Variants in STXBP4 observed in about 807,000 individuals in gnomAD.
STXBP4 encodes the protein syntaxin-binding protein 4.
A neutral mutation model predicts 76.1 loss-of-function variants in STXBP4; 55 were observed. The observed-to-expected ratio is 0.72, with a 90% confidence interval of 0.58 to 0.91. The LOEUF (loss-of-function observed/expected upper bound fraction) is 0.91, where lower values mean the gene tolerates loss of function less well. Ranked by LOEUF, STXBP4 falls within the 40% of genes least tolerant of loss-of-function variation. The probability of loss-of-function intolerance (pLI) is 0.00; values close to 1 mark genes in which losing one functional copy is unlikely to be tolerated. For synonymous variants in STXBP4, 201 were observed against 220.2 expected, an observed-to-expected ratio of 0.91 and a Z score of 0.77; for missense variants, 618 against 636.9, an observed-to-expected ratio of 0.97 and a Z score of 0.32.
intron 12 of STXBP4, among the ~76,000 whole-genome samples, chr17:55,053,834 A>G (rs1209191383): frequency 6.6e-6 from 1 of 152,046 alleles, no homozygotes; most frequent in Middle Eastern, 3.2e-3. Context: ...TAGTTTTTAT[A>G]TGTAGGATAA....
rs530714757 is a variant in STXBP4, at chr17:55,078,068, C to T, written c.1189-10C>T. ...AATGTGTAAATGCTCCTTTTGATAT[C>T]TCTGTGCAGGAAAGTGTTCAGGATT... On this transcript the variant is annotated splice_polypyrimidine_tract_variant and intron_variant, in intron 13 of 17. Coordinates refer to ENST00000376352, the MANE Select transcript of STXBP4 (RefSeq NM_178509.6). 5 of 1,554,460 alleles carry T rather than the reference C, an allele frequency of 3.2e-6. No homozygotes were observed. The Admixed American group carries it at 7.3e-5, about 23-fold the overall frequency.
downstream of STXBP4, among the ~76,000 whole-genome samples, chr17:55,174,192 T>C (rs1239462837): frequency 2.0e-5 from 3 of 152,224 alleles, no homozygotes; most frequent in African/African-American, 7.2e-5. Context: ...CTTCATGTGA[T>C]CTGGAAATTA....
At chr17:55,140,476 G>A (rs926920028) in intron 16 of STXBP4, among the ~76,000 whole-genome samples, 2 of 152,026 alleles carry the variant, frequency 1.3e-5, no homozygotes, top group African/African-American at 4.8e-5. Flanking sequence ...TCCAAAAATT[G>A]GATTAAAATC....
At chr17:54,973,937 G>A (rs1190995142) in intron 1 of STXBP4, among the ~76,000 whole-genome samples, 1 of 152,142 alleles carries the variant, frequency 6.6e-6, no homozygotes, top group Non-Finnish European at 1.5e-5. Flanking sequence ...ATTAGGTAAA[G>A]TAAGTTATAT....
intron 16 of STXBP4, among the ~76,000 whole-genome samples, chr17:55,110,643 G>A (rs147634234): frequency 3.6e-4 from 55 of 152,272 alleles, no homozygotes; most frequent in Non-Finnish European, 4.1e-4. Flanking sequence ...CCTTGTAGCC[G>A]TATTTTCTCT....
At chr17:55,184,797 G>A in the STXBP4 span, among the ~76,000 whole-genome samples, 3 of 152,166 alleles carry the variant, frequency 2.0e-5, no homozygotes, top group Non-Finnish European at 2.9e-5. Context: ...AAAATTGAAG[G>A]GGGTCTGTGG....
At chr17:54,991,175 G>A (rs1432024032) in intron 4 of STXBP4, 4 of 304,384 alleles carry the variant, frequency 1.3e-5, no homozygotes, top group Non-Finnish European at 2.3e-5. Flanking sequence ...ATTTCTGACT[G>A]TAAGATAAGG....
At chr17:55,027,735 C>T (rs1437439303) in intron 8 of STXBP4, among the ~76,000 whole-genome samples, 1 of 152,060 alleles carries the variant, frequency 6.6e-6, no homozygotes, top group East Asian at 1.9e-4. Context: ...TGTGATAAAA[C>T]CATTTTAAAA....
chr17:54,978,949 A>G (rs1265369939), intron 1 of STXBP4, among the ~76,000 whole-genome samples: 3 of 152,156 alleles, frequency 2.0e-5, no homozygotes, highest in African/African-American at 7.2e-5. Flanking sequence ...TTACATGATT[A>G]TACTGTAAAT....
intron 16 of STXBP4, among the ~76,000 whole-genome samples, chr17:55,091,416 A>G (rs1404876633): frequency 1.3e-5 from 2 of 152,130 alleles, no homozygotes; most frequent in Non-Finnish European, 2.9e-5. Context: ...TGCATTTCTT[A>G]TACAGATTGA....
chr17:55,131,515 C>T (rs1208282754), intron 16 of STXBP4, among the ~76,000 whole-genome samples: 1 of 152,182 alleles, frequency 6.6e-6, no homozygotes, highest in Non-Finnish European at 1.5e-5. Flanking sequence ...ACCTATTGCT[C>T]TCAGGCAACC....
chr17:55,209,384 C>T, the STXBP4 span, among the ~76,000 whole-genome samples: 1 of 152,102 alleles, frequency 6.6e-6, no homozygotes, highest in South Asian at 2.1e-4. Flanking sequence ...GATGCCAGTT[C>T]ATACGCAGGC....
At chr17:55,133,450 G>A (rs2079994021) in intron 16 of STXBP4, among the ~76,000 whole-genome samples, 1 of 152,182 alleles carries the variant, frequency 6.6e-6, no homozygotes, top group Non-Finnish European at 1.5e-5. Flanking sequence ...AATCAGGAGA[G>A]AGGTCCAGAC....
At chr17:55,188,630 C>CA in the STXBP4 span, among the ~76,000 whole-genome samples, 1 of 152,182 alleles carries the variant, frequency 6.6e-6, no homozygotes, top group African/African-American at 2.4e-5. Context: ...TTGTCTCACT[C>CA]AAAAAGCACT....
intron 9 of STXBP4, among the ~76,000 whole-genome samples, chr17:55,032,888 T>G (rs2144688184): frequency 6.6e-6 from 1 of 152,206 alleles, no homozygotes; most frequent in Non-Finnish European, 1.5e-5. Context: ...AAGCTGCCAG[T>G]TGACAAAGCA....
chr17:55,156,853 G>A (rs1232176940), intron 17 of STXBP4, among the ~76,000 whole-genome samples: 2 of 152,070 alleles, frequency 1.3e-5, no homozygotes, highest in Admixed American at 6.5e-5. Flanking sequence ...GTGATTTGTT[G>A]ATTAAAAAGT....
At chr17:55,017,006 A>T (rs1419975813) in intron 8 of STXBP4, among the ~76,000 whole-genome samples, 1 of 152,182 alleles carries the variant, frequency 6.6e-6, no homozygotes, top group African/African-American at 2.4e-5. Context: ...AGGAAGGCTA[A>T]GGGTTGTCAG....
Position 55,168,187 on chromosome 17 carries a change from C to T in STXBP4, c.*8276C>T, listed in dbSNP as rs981312195. On this transcript the variant is annotated 3_prime_UTR_variant, in exon 18 of 18. Transcript: ENST00000376352. ...TAGAATGCATACATACACACACATACACTTAGTATATGTGTGTGTGTGTGT... is the reference window on the plus strand; with the variant it reads ...TAGAATGCATACATACACACACATATACTTAGTATATGTGTGTGTGTGTGT... 7.3e-5 allele frequency: 11 copies of T among 151,398 alleles called. No homozygotes were observed. The highest frequency in any genetic ancestry group is 1.3e-4 in the Non-Finnish European group (9 of 67,844). The allele number at this position is 151,398 out of a possible 1,614,324, so 9.4% of individuals were successfully genotyped here.
At position 55,066,972 on chromosome 17, in the gene STXBP4, T is replaced by A. The variant is rs538483001; in HGVS notation, c.1012-5928T>A. Among the ~76,000 whole-genome samples, 4 of 152,334 alleles carry A rather than the reference T, an allele frequency of 2.6e-5. No individual in the cohort carries two copies. The South Asian group carries it at 8.3e-4, about 32-fold the overall frequency. On this transcript the variant is annotated intron_variant, in intron 12 of 17. Coordinates refer to ENST00000376352, the MANE Select transcript of STXBP4 (RefSeq NM_178509.6). ...TTGTTATTTTAATTGTTAAATAAAA[T>A]GTAGTTCTAATATTCCCATAAATCT...
Sources: allele counts gnomAD v4.1 joint callset (sites outside exome capture counted in the v4.1 genomes callset), GRCh38; gene constraint gnomAD v4.1.1; transcripts MANE v1.5; gene names NCBI Gene and HGNC (gene_info 2026-07-23, HGNC 2026-07-21).